Variants in MACROD2 observed in about 807,000 individuals in gnomAD.
The protein encoded by MACROD2 is mono-ADP ribosylhydrolase 2.
A neutral mutation model predicts 70.4 loss-of-function variants in MACROD2; 36 were observed. The ratio of observed to expected loss-of-function variants is 0.51; its 90% CI spans 0.39 to 0.68. MACROD2 has a LOEUF of 0.68. MACROD2 is among the 30% of genes least tolerant of loss of function. The probability of loss-of-function intolerance (pLI) is 0.00; values close to 1 mark genes in which losing one functional copy is unlikely to be tolerated. For synonymous variants in MACROD2, 172 were observed against 178.8 expected (o/e 0.96, Z 0.30); for missense variants, 496 against 538.4 (o/e 0.92, Z 0.78).
intron 6 of MACROD2, among the ~76,000 whole-genome samples, chr20:15,253,289 G>A (rs1364071739): frequency 6.6e-6 from 1 of 152,144 alleles, no homozygotes. Context: ...TTGCATAGTT[G>A]TAATTAAGAC....
chr20:15,651,466 C>A (rs1206103135), intron 8 of MACROD2, among the ~76,000 whole-genome samples: 1 of 152,136 alleles, frequency 6.6e-6, no homozygotes. Context: ...AGGTTTGTAC[C>A]AAACACCAGG....
chr20:14,908,149 G>A (rs2073982034), intron 5 of MACROD2, among the ~76,000 whole-genome samples: 1 of 151,970 alleles, frequency 6.6e-6, no homozygotes, highest in Non-Finnish European at 1.5e-5. Flanking sequence ...TTCGAGACCA[G>A]TCTGGCCAAC....
chr20:14,413,037 A>G (rs1003717431), intron 3 of MACROD2, among the ~76,000 whole-genome samples: 6 of 152,100 alleles, frequency 3.9e-5, no homozygotes, highest in African/African-American at 1.2e-4. Flanking sequence ...GCCCTGTGGG[A>G]TGTTACATTA....
chr20:14,431,976 C>T (rs2083999562), intron 3 of MACROD2, among the ~76,000 whole-genome samples: 1 of 152,166 alleles, frequency 6.6e-6, no homozygotes, highest in Non-Finnish European at 1.5e-5. Context: ...AAGTCAGGCA[C>T]AAATCCAGCC....
chr20:14,269,184 C>T (rs1432886442), intron 3 of MACROD2, among the ~76,000 whole-genome samples: 1 of 152,092 alleles, frequency 6.6e-6, no homozygotes, highest in African/African-American at 2.4e-5. Context: ...CATAAATTGG[C>T]TTAGATAATA....
At chr20:14,997,361 T>C (rs532017461) in intron 5 of MACROD2, among the ~76,000 whole-genome samples, 2 of 152,104 alleles carry the variant, frequency 1.3e-5, no homozygotes, top group Non-Finnish European at 2.9e-5. Flanking sequence ...CAAGATTCAT[T>C]ACCTGTTGAC....
chr20:15,683,178 A>G (rs184447652), intron 8 of MACROD2, among the ~76,000 whole-genome samples: 28 of 152,350 alleles, frequency 1.8e-4, no homozygotes, highest in South Asian at 2.1e-4. Context: ...TATGAGCTGT[A>G]TATAGAAATC....
chr20:15,488,534 C>A (rs886962814), intron 7 of MACROD2, among the ~76,000 whole-genome samples: 3 of 152,176 alleles, frequency 2.0e-5, no homozygotes, highest in African/African-American at 4.8e-5. Flanking sequence ...AAGACCCCTG[C>A]AATCCAAGGT....
At chr20:14,938,657 T>C (rs1407092309) in intron 5 of MACROD2, among the ~76,000 whole-genome samples, 1 of 152,056 alleles carries the variant, frequency 6.6e-6, no homozygotes, top group Non-Finnish European at 1.5e-5. Context: ...GGCAGGTGCC[T>C]GTAATCCCAG....
intron 7 of MACROD2, among the ~76,000 whole-genome samples, chr20:15,494,291 G>A (rs1211947445): frequency 1.3e-5 from 2 of 152,124 alleles, no homozygotes; most frequent in African/African-American, 2.4e-5. Flanking sequence ...CCAGAGTCAA[G>A]CATAACATGG....
intron 5 of MACROD2, among the ~76,000 whole-genome samples, chr20:15,229,038 C>T (rs175279): frequency 0.3 from 45,098 of 151,888 alleles, 6,939 homozygotes; most frequent in African/African-American, 0.35. Context: ...TTCAGTTCAC[C>T]GATAAGACTG....
At chr20:14,348,585 G>A (rs941715833) in intron 3 of MACROD2, among the ~76,000 whole-genome samples, 1 of 151,318 alleles carries the variant, frequency 6.6e-6, no homozygotes, top group African/African-American at 2.4e-5. Flanking sequence ...TATCAGTTTA[G>A]GAAAACCACC....
chr20:15,808,539 AACTT>A (rs1462752432), intron 8 of MACROD2, among the ~76,000 whole-genome samples: 3 of 152,214 alleles, frequency 2.0e-5, no homozygotes, highest in Non-Finnish European at 2.9e-5. Flanking sequence ...CATATATTTC[AACTT>A]ACTATTTTAC....
chr20:15,045,280 C>T (rs1325479383), intron 5 of MACROD2, among the ~76,000 whole-genome samples: 2 of 152,154 alleles, frequency 1.3e-5, no homozygotes, highest in Non-Finnish European at 2.9e-5. Flanking sequence ...TAAATAATGT[C>T]TGAGGTTAGA....
At chr20:15,203,218 A>G (rs763924268) in intron 5 of MACROD2, among the ~76,000 whole-genome samples, 28 of 152,294 alleles carry the variant, frequency 1.8e-4, no homozygotes, top group Middle Eastern at 3.4e-3. Flanking sequence ...GCAAATTAGT[A>G]TAATTTTTAA....
chr20:14,734,990 TGATA>T (rs1704924705), intron 5 of MACROD2, among the ~76,000 whole-genome samples: 1 of 152,164 alleles, frequency 6.6e-6, no homozygotes, highest in African/African-American at 2.4e-5. Context: ...AATTAACTCA[TGATA>T]GATTAATGAT....
rs567857704 is a variant in MACROD2, at chr20:14,497,406, T to C, written c.301+3898T>C. ...GGAATATATAGTAAAATATAAATCA[T>C]TGTAGCCAGTCTTAAATTACATAAA... On this transcript the variant is annotated intron_variant, in intron 4 of 17. Coordinates refer to ENST00000684519, the MANE Select transcript of MACROD2 (RefSeq NM_001351661.2). 1.3e-4 allele frequency among the ~76,000 whole-genome samples: 19 copies of C among 151,940 alleles called. 1 individual carries two copies. The South Asian group carries it at 3.3e-3, about 27-fold the overall frequency.
Position 14,071,295 on chromosome 20 carries a change from C to G in MACROD2, c.164-14326C>G, listed in dbSNP as rs992174761. 1.5e-4 allele frequency among the ~76,000 whole-genome samples: 15 copies of G among 101,512 alleles called. No individual in the cohort carries two copies. In the East Asian group the frequency reaches 3.3e-3, roughly 22 times the overall value. 66.6% of individuals were successfully genotyped at this position (101,512 alleles called of 152,430 possible). A position where few individuals can be genotyped will look rare whatever the true frequency, so the allele number is the denominator to read the frequency against. ...TTTTTTTTTGAGATGGAGTCTTGCT[C>G]TGTCGTCCAGGCCAGAGTGCAGTGG... On this transcript the variant is annotated intron_variant, in intron 2 of 17. Coordinates refer to ENST00000684519, the MANE Select transcript of MACROD2 (RefSeq NM_001351661.2).
intron 6 of MACROD2, among the ~76,000 whole-genome samples, chr20:15,417,581 A>G (rs1282591446): frequency 7.0e-6 from 1 of 142,290 alleles, no homozygotes; most frequent in Non-Finnish European, 1.5e-5. Flanking sequence ...CCCAGGTGAC[A>G]GAGCGAAACC....
Sources: gnomAD v4.1 joint callset for allele counts (sites outside exome capture counted in the v4.1 genomes callset) on GRCh38, gnomAD v4.1.1 for gene constraint, MANE v1.5 for transcripts, NCBI Gene and HGNC (gene_info 2026-07-23, HGNC 2026-07-21) for gene names.